FGFR2: variants seen among roughly 807,000 people sequenced by gnomAD.
FGFR2 encodes the protein fibroblast growth factor receptor 2, also known as BEK fibroblast growth factor receptor.
Under a neutral mutation model 95.9 loss-of-function variants are expected in FGFR2, and 19 were observed. That is an observed-to-expected ratio of 0.20 (90% CI 0.14 to 0.29). The LOEUF (loss-of-function observed/expected upper bound fraction) is 0.29, where lower values mean the gene tolerates loss of function less well. FGFR2 is among the 10% of genes least tolerant of loss of function. The pLI, the probability that FGFR2 is intolerant of heterozygous loss-of-function variation, is 1.00. For missense variants in FGFR2, 707 were observed against 1,056.9 expected, an observed-to-expected ratio of 0.67 and a Z score of 4.59; for synonymous variants, 392 against 393.3, an observed-to-expected ratio of 1.00 and a Z score of 0.04.
At chr10:121,547,792 C>T (rs1221622001) in intron 5 of FGFR2, among the ~76,000 whole-genome samples, 1 of 152,124 alleles carries the variant, frequency 6.6e-6, no homozygotes, top group African/African-American at 2.4e-5. Flanking sequence ...CTTGGTCAGG[C>T]CCCAACAAGG....
intron 10 of FGFR2, 71 bp from the exon 11 acceptor site, chr10:121,501,018 A>C: frequency 1.9e-6 from 3 of 1,601,840 alleles, no homozygotes; most frequent in Non-Finnish European, 2.5e-6. Flanking sequence ...TTCCAGAACT[A>C]AATATAAAAA....
intron 2 of FGFR2, among the ~76,000 whole-genome samples, chr10:121,577,595 G>A (rs1013162714): frequency 6.6e-6 from 1 of 152,078 alleles, no homozygotes; most frequent in African/African-American, 2.4e-5. Context: ...ATGTCAAGGA[G>A]GACTTCTCGC....
chr10:121,564,706 T>C (rs149943986), intron 3 of FGFR2, 127 bp from the exon 4 acceptor site: 127 of 791,594 alleles, frequency 1.6e-4, no homozygotes, highest in South Asian at 5.9e-4. Context: ...GAGCCTGGGA[T>C]TGTTTTCAGT....
intron 2 of FGFR2, among the ~76,000 whole-genome samples, chr10:121,573,178 C>T (rs895014862): frequency 1.3e-5 from 2 of 152,286 alleles, no homozygotes; most frequent in Non-Finnish European, 2.9e-5. Flanking sequence ...TTTGAAATGG[C>T]GCCCAAATGC....
Position 121,593,870 on chromosome 10 carries a change from C to G in FGFR2, c.-53G>C, listed in dbSNP as rs2135488167. The stretch of plus-strand genomic sequence containing the variant: ...TCCATATCTCCATGTGGACGTTAAT[C>G]CCATCTGCACACTTCCTCTACGGGC... On this transcript the variant is annotated 5_prime_UTR_variant, in exon 2 of 18. Coordinates refer to ENST00000358487, the MANE Select transcript of FGFR2 (RefSeq NM_000141.5). 1 of 1,509,876 alleles carries G rather than the reference C, an allele frequency of 6.6e-7. No homozygotes were observed. 93.5% of individuals were successfully genotyped at this position (1,509,876 alleles called of 1,614,324 possible).
Position 121,488,063 on chromosome 10 carries a change from A to G in FGFR2, c.1914T>C (p.Asn638=). 1 of 1,614,132 alleles carries G rather than the reference A, an allele frequency of 6.2e-7. No homozygotes were observed. Among genetic ancestry groups the G allele is most frequent in the Non-Finnish European group, 8.5e-7 (1 of 1,179,996 alleles). The part of the protein sequence containing the change: ...AARNVLVTEN[N]VMKIADFGLA... ...GTCCAAAGTCTGCTATTTTCATCAC[A>G]TTGTTTTCTGTTACCAAAACATTTC... Residue 638 remains asparagine, a synonymous_variant, in exon 14 of 18, where the codon AAT becomes AAC. Transcript: ENST00000358487.
Position 121,564,344 on chromosome 10 carries a change from T to C in FGFR2, c.454+158A>G. 4 of 698,832 alleles carry C rather than the reference T, an allele frequency of 5.7e-6. No individual in the cohort carries two copies. In the South Asian group the frequency reaches 6.2e-5, roughly 11 times the overall value. 43.3% of individuals were successfully genotyped at this position (698,832 alleles called of 1,614,324 possible). A position where few individuals can be genotyped will look rare whatever the true frequency, so the allele number is the denominator to read the frequency against. On this transcript the variant is annotated intron_variant, in intron 4 of 17. Transcript: ENST00000358487. Reference sequence around the variant, plus strand: ...AAGGCTGTGCAGCAACACTGGTTTATTCTCAGGTTTGAAAGTCAGGAAAGT... The same window carrying C: ...AAGGCTGTGCAGCAACACTGGTTTACTCTCAGGTTTGAAAGTCAGGAAAGT...
chr10:121,480,157 T>A, intron 17 of FGFR2, 136 bp from the exon 18 acceptor site: 1 of 986,242 alleles, frequency 1.0e-6, no homozygotes, highest in Non-Finnish European at 1.6e-6. Context: ...ACACAAACTC[T>A]TGAGATGTGG....
intron 13 of FGFR2, among the ~76,000 whole-genome samples, chr10:121,489,262 C>T (rs1275822378): frequency 2.0e-5 from 3 of 152,020 alleles, no homozygotes; most frequent in African/African-American, 7.3e-5. Context: ...TTAGTAGAGA[C>T]GGGGTTTCAC....
At chr10:121,516,339 AC>A (rs1433033323) in intron 8 of FGFR2, among the ~76,000 whole-genome samples, 1 of 152,262 alleles carries the variant, frequency 6.6e-6, no homozygotes, top group Middle Eastern at 3.2e-3. Context: ...CAGATTCGCA[AC>A]AAAAGGAAAA....
intron 10 of FGFR2, 25 bp downstream of exon 10, chr10:121,503,765 G>A (rs2134051626): frequency 1.2e-6 from 2 of 1,613,786 alleles, no homozygotes. Flanking sequence ...CTCCATCCTG[G>A]GACATGGCCA....
At chr10:121,498,775 C>T (rs1248997467) in intron 11 of FGFR2, among the ~76,000 whole-genome samples, 170 bp from the exon 12 acceptor site, 1 of 152,222 alleles carries the variant, frequency 6.6e-6, no homozygotes, top group African/African-American at 2.4e-5. Flanking sequence ...AAGGCCTACA[C>T]AGGGAACTGC....
chr10:121,491,346 C>T (rs1649193), intron 13 of FGFR2, among the ~76,000 whole-genome samples: 150,186 of 152,210 alleles, frequency 0.99, 74,121 homozygotes, highest in Middle Eastern at 1. Context: ...GAATGTCAGC[C>T]GTTCTCCAGC....
intron 2 of FGFR2, among the ~76,000 whole-genome samples, chr10:121,575,288 G>T (rs1201487376): frequency 6.6e-6 from 1 of 152,122 alleles, no homozygotes; most frequent in East Asian, 1.9e-4. Flanking sequence ...GAGTCACCGT[G>T]TCTCCCAATG....
chr10:121,484,459 T>C (rs112693387), intron 16 of FGFR2, among the ~76,000 whole-genome samples: 8 of 152,142 alleles, frequency 5.3e-5, no homozygotes, highest in Non-Finnish European at 8.8e-5. Context: ...AAGAGCACAA[T>C]AAATGCCTTT....
chr10:121,595,925 C>G (rs1863371462), intron 1 of FGFR2, among the ~76,000 whole-genome samples: 2 of 152,228 alleles, frequency 1.3e-5, no homozygotes, highest in Admixed American at 1.3e-4. Context: ...GCCCCCTCCC[C>G]AAAACTCTGG....
intron 4 of FGFR2, among the ~76,000 whole-genome samples, chr10:121,558,624 T>C (rs553100038): frequency 5.2e-4 from 79 of 151,888 alleles, no homozygotes; most frequent in Non-Finnish European, 6.6e-4. Context: ...TTTTTTTTTT[T>C]TGAGACGGAG....
intron 13 of FGFR2, 148 bp from the exon 14 acceptor site, chr10:121,488,261 C>T: frequency 8.7e-7 from 1 of 1,155,836 alleles, no homozygotes; most frequent in Non-Finnish European, 1.2e-6. Flanking sequence ...TACAGTGTGG[C>T]CGGGTGCGGT....
chr10:121,571,436 T>G (rs984241813), intron 2 of FGFR2, among the ~76,000 whole-genome samples: 1 of 151,380 alleles, frequency 6.6e-6, no homozygotes, highest in African/African-American at 2.4e-5. Context: ...GTAATGGGAT[T>G]ACAGGTGCAT....
Sources: allele counts gnomAD v4.1 joint callset (sites outside exome capture counted in the v4.1 genomes callset), GRCh38; gene constraint gnomAD v4.1.1; transcripts MANE v1.5; gene names NCBI Gene and HGNC (gene_info 2026-07-23, HGNC 2026-07-21).